Variants in SPATA16 observed in about 807,000 individuals in gnomAD.
SPATA16 encodes spermatogenesis-associated protein 16.
Under a neutral mutation model 63.3 loss-of-function variants are expected in SPATA16, and 36 were observed. The observed-to-expected ratio is 0.57, with a 90% CI of 0.44 to 0.75. The LOEUF (loss-of-function observed/expected upper bound fraction) is 0.75. Ranked by LOEUF, SPATA16 falls within the 30% of genes least tolerant of loss-of-function variation. The probability of loss-of-function intolerance (pLI) is 0.00; values close to 1 mark genes in which losing one functional copy is unlikely to be tolerated. For synonymous variants in SPATA16, 203 were observed against 216.7 expected (o/e 0.94, Z 0.56); for missense variants, 646 against 679.3 (o/e 0.95, Z 0.54).
intron 2 of SPATA16, among the ~76,000 whole-genome samples, chr3:173,094,828 G>A (rs548757638): frequency 5.3e-5 from 8 of 152,192 alleles, no homozygotes; most frequent in African/African-American, 1.7e-4. Flanking sequence ...AGTCAGCCTC[G>A]GAGCAGCTCC....
At chr3:172,970,020 A>T (rs1163451391) in intron 5 of SPATA16, among the ~76,000 whole-genome samples, 1 of 152,186 alleles carries the variant, frequency 6.6e-6, no homozygotes, top group Non-Finnish European at 1.5e-5. Flanking sequence ...ACCCTCAACT[A>T]GTCAAATTTG....
rs142617245 is a variant in SPATA16 at position 173,105,625 on chromosome 3, A to T, written c.612+11495T>A. Among the ~76,000 whole-genome samples the T allele has an allele frequency of 4.5e-4, 69 of 152,114 alleles. 1 individual carries two copies. The highest frequency in any genetic ancestry group is 1.9e-4 in the East Asian group (1 of 5,180). On this transcript the variant is annotated intron_variant, in intron 2 of 10. Coordinates refer to ENST00000351008, the MANE Select transcript of SPATA16 (RefSeq NM_031955.6). ...CCTTCAATGTCTGTCTTTGGTCATG[A>T]ACTTTCCCCTGTGCTTCCGGCATGT...
intron 10 of SPATA16, among the ~76,000 whole-genome samples, chr3:172,909,397 A>G (rs1416568780): frequency 2.0e-5 from 3 of 152,172 alleles, no homozygotes; most frequent in Non-Finnish European, 4.4e-5. Flanking sequence ...TGCAAGTTCT[A>G]GGCTTACCCT....
chr3:172,961,085 C>T (rs61466726), intron 5 of SPATA16, among the ~76,000 whole-genome samples: 37,973 of 92,530 alleles, frequency 0.41, 7,358 homozygotes, highest in Middle Eastern at 0.47. Flanking sequence ...TTCCTTCCTT[C>T]CTTCCTTCCT....
chr3:172,918,779 C>G (rs906130006), intron 8 of SPATA16, among the ~76,000 whole-genome samples: 1 of 152,016 alleles, frequency 6.6e-6, no homozygotes, highest in Non-Finnish European at 1.5e-5. Context: ...AATAAAGTGG[C>G]CACGACTGAA....
intron 4 of SPATA16, among the ~76,000 whole-genome samples, chr3:172,994,867 T>C (rs1001801615): frequency 1.3e-5 from 2 of 152,174 alleles, no homozygotes; most frequent in East Asian, 3.8e-4. Flanking sequence ...TAATCCCTTA[T>C]GTTAGGCAGT....
intron 2 of SPATA16, among the ~76,000 whole-genome samples, chr3:173,078,095 G>A (rs1464598997): frequency 6.6e-6 from 1 of 152,026 alleles, no homozygotes; most frequent in Non-Finnish European, 1.5e-5. Context: ...CCCTTTACTT[G>A]TATTACAATA....
intron 1 of SPATA16, among the ~76,000 whole-genome samples, chr3:173,119,759 C>A (rs927307456): frequency 1.6e-5 from 2 of 127,938 alleles, no homozygotes; most frequent in African/African-American, 2.5e-5. Flanking sequence ...GACCCTGTTT[C>A]CTTTTCCTCT....
At chr3:173,056,880 T>C (rs918870654) in intron 2 of SPATA16, among the ~76,000 whole-genome samples, 9 of 152,000 alleles carry the variant, frequency 5.9e-5, no homozygotes, top group Non-Finnish European at 1.5e-5. Flanking sequence ...TAACTTCTTA[T>C]GTTGAAGTTT....
chr3:173,043,805 T>C (rs1003687296), intron 3 of SPATA16, among the ~76,000 whole-genome samples: 1 of 152,096 alleles, frequency 6.6e-6, no homozygotes, highest in African/African-American at 2.4e-5. Flanking sequence ...ATTCTCAAAG[T>C]GCAGATCTGG....
At chr3:172,948,502 C>G (rs1439750984) in intron 6 of SPATA16, among the ~76,000 whole-genome samples, 1 of 152,108 alleles carries the variant, frequency 6.6e-6, no homozygotes, top group South Asian at 2.1e-4. Flanking sequence ...GGGTCTTGCT[C>G]TGTCACCCAG....
intron 5 of SPATA16, among the ~76,000 whole-genome samples, chr3:172,976,529 G>A (rs937793164): frequency 6.6e-6 from 1 of 152,008 alleles, no homozygotes; most frequent in Non-Finnish European, 1.5e-5. Context: ...ATTTGATATT[G>A]GTTAAGTGTT....
chr3:172,895,375 A>T (rs1731986371), intron 10 of SPATA16, among the ~76,000 whole-genome samples: 2 of 152,148 alleles, frequency 1.3e-5, no homozygotes, highest in South Asian at 4.1e-4. Flanking sequence ...TTGCTGTGTC[A>T]CCCAAGGCGG....
chr3:173,009,912 A>G (rs1735026214), intron 4 of SPATA16, among the ~76,000 whole-genome samples: 1 of 152,230 alleles, frequency 6.6e-6, no homozygotes, highest in Non-Finnish European at 1.5e-5. Context: ...AATACCCTTT[A>G]GACGTTTCCC....
chr3:173,013,828 T>C (rs1378417634), intron 4 of SPATA16, among the ~76,000 whole-genome samples: 1 of 152,060 alleles, frequency 6.6e-6, no homozygotes, highest in East Asian at 1.9e-4. Context: ...ATAAACTCAT[T>C]CCATAAAACA....
At chr3:173,077,107 AGATCTAAT>A (rs1400532603) in intron 2 of SPATA16, among the ~76,000 whole-genome samples, 1 of 152,192 alleles carries the variant, frequency 6.6e-6, no homozygotes, top group Non-Finnish European at 1.5e-5. Context: ...AGATTTAGAG[AGATCTAAT>A]GATCTGTTCA....
intron 2 of SPATA16, among the ~76,000 whole-genome samples, chr3:173,056,803 A>G (rs1406137755): frequency 1.3e-5 from 2 of 151,156 alleles, no homozygotes; most frequent in South Asian, 2.1e-4. Context: ...CATTTACATT[A>G]TGGTATTTCC....
intron 3 of SPATA16, among the ~76,000 whole-genome samples, chr3:173,037,741 A>T (rs1470658424): frequency 6.6e-6 from 1 of 152,100 alleles, no homozygotes; most frequent in Non-Finnish European, 1.5e-5. Context: ...ATAACTTAAC[A>T]TATGGCTGCT....
intron 3 of SPATA16, among the ~76,000 whole-genome samples, chr3:173,020,606 T>G (rs1326087231): frequency 6.6e-6 from 1 of 152,214 alleles, no homozygotes; most frequent in East Asian, 1.9e-4. Flanking sequence ...CCTAGCTGCC[T>G]TCTTCTCCTA....
Sources: allele counts gnomAD v4.1 joint callset (sites outside exome capture counted in the v4.1 genomes callset), GRCh38; gene constraint gnomAD v4.1.1; transcripts MANE v1.5; gene names NCBI Gene and HGNC (gene_info 2026-07-23, HGNC 2026-07-21).